Variants in APBB2 observed in about 807,000 individuals in gnomAD.
APBB2 encodes the protein Fe65-like 1.
Under a neutral mutation model 82.5 loss-of-function variants are expected in APBB2, and 38 were observed. The observed-to-expected ratio is 0.46, with a 90% CI of 0.36 to 0.60. The LOEUF (loss-of-function observed/expected upper bound fraction) is 0.60. Among genes scored for constraint, APBB2 ranks in the 20% least tolerant of loss-of-function variants. The pLI is 0.00. For missense variants in APBB2, 772 were observed against 972.3 expected, an observed-to-expected ratio of 0.79 and a Z score of 2.74; for synonymous variants, 341 against 368.2, an observed-to-expected ratio of 0.93 and a Z score of 0.85.
chr4:41,087,675 C>A (rs148508720), intron 3 of APBB2, among the ~76,000 whole-genome samples: 323 of 152,104 alleles, frequency 2.1e-3, no homozygotes, highest in African/African-American at 7.3e-3. Context: ...GTGATCTTCC[C>A]GCCTCAGCCT....
chr4:41,009,625 A>G (rs1342600360), intron 6 of APBB2, among the ~76,000 whole-genome samples: 1 of 152,216 alleles, frequency 6.6e-6, no homozygotes, highest in Non-Finnish European at 1.5e-5. Flanking sequence ...AGTGCAGTCT[A>G]CGATCCAAAG....
chr4:40,907,674 T>C (rs1049861940), intron 10 of APBB2, among the ~76,000 whole-genome samples: 1 of 79,118 alleles, frequency 1.3e-5, no homozygotes, highest in Admixed American at 1.6e-4. Context: ...CCTGACCCTT[T>C]TTTTTTTTTT....
At position 40,826,320 on chromosome 4, in the gene APBB2, G is replaced by T. The variant is rs944673849; in HGVS notation, c.1733-350C>A. Reference sequence around the variant, plus strand: ...GCCCAGAGAAAATGTAACCTCAAAGGGCACAATCAGAGACATAGGAAGATA... The same window carrying T: ...GCCCAGAGAAAATGTAACCTCAAAGTGCACAATCAGAGACATAGGAAGATA... On this transcript the variant is annotated intron_variant, in intron 14 of 17. Transcript: ENST00000508593. This position sits in a 1 kb window ranked among gnomAD's most constrained non-coding sequence, Gnocchi z 4.5. Among the ~76,000 whole-genome samples, 2 of 151,918 alleles carry T rather than the reference G, an allele frequency of 1.3e-5. No individual in the cohort carries two copies. Among genetic ancestry groups the T allele is most frequent in the Non-Finnish European group, 2.9e-5 (2 of 67,990 alleles).
At chr4:40,817,918 G>A (rs539301156) in intron 17 of APBB2, among the ~76,000 whole-genome samples, 2 of 152,228 alleles carry the variant, frequency 1.3e-5, no homozygotes, top group Admixed American at 6.5e-5. Context: ...TCGAAAGCAC[G>A]GATTTATACA....
At chr4:40,867,224 G>C (rs1436934131) in intron 12 of APBB2, among the ~76,000 whole-genome samples, 3 of 152,114 alleles carry the variant, frequency 2.0e-5, no homozygotes, top group Non-Finnish European at 4.4e-5. Flanking sequence ...TTTACTGTCT[G>C]GTCTTTTGCA....
chr4:40,978,192 C>T (rs571845867), intron 6 of APBB2, among the ~76,000 whole-genome samples: 116 of 152,346 alleles, frequency 7.6e-4, no homozygotes, highest in East Asian at 5.8e-4. Context: ...TGCCCCAAAT[C>T]AGGCAGCTAT....
chr4:41,016,369 C>T (rs552313798), intron 5 of APBB2, among the ~76,000 whole-genome samples: 1 of 152,290 alleles, frequency 6.6e-6, no homozygotes, highest in Non-Finnish European at 1.5e-5. Context: ...CAGATTAAGA[C>T]TTCTAGCCAC....
At chr4:41,201,753 A>C (rs1434647155) in intron 1 of APBB2, among the ~76,000 whole-genome samples, 2 of 152,362 alleles carry the variant, frequency 1.3e-5, no homozygotes, top group East Asian at 3.9e-4. Flanking sequence ...GGCTTTGAGA[A>C]TACACTCAGC....
rs1393689230 is a variant in APBB2, at chr4:40,810,197, T to G, written c.*5895A>C. On this transcript the variant is annotated 3_prime_UTR_variant, in exon 18 of 18. Coordinates refer to ENST00000508593, the MANE Select transcript of APBB2 (RefSeq NM_004307.2). ...TCTATTTTTACTTTCTTACTTGAAG[T>G]GAGAAAAGAGAATGGTGAATTGTAT... is the stretch of plus-strand genomic sequence containing the variant. The G allele has an allele frequency of 6.6e-6, 1 of 152,122 alleles. No homozygotes were observed. Among genetic ancestry groups the G allele is most frequent in the Non-Finnish European group, 1.5e-5 (1 of 68,020 alleles). 9.4% of individuals were successfully genotyped at this position (152,122 alleles called of 1,614,324 possible).
intron 3 of APBB2, among the ~76,000 whole-genome samples, chr4:41,070,668 G>A (rs909758452): frequency 2.0e-5 from 3 of 152,138 alleles, no homozygotes; most frequent in Non-Finnish European, 4.4e-5. Flanking sequence ...TAATAATAAA[G>A]CTTCCAAAGG....
chr4:40,955,500 G>A (rs1172798360), intron 6 of APBB2, among the ~76,000 whole-genome samples: 1 of 152,228 alleles, frequency 6.6e-6, no homozygotes, highest in Non-Finnish European at 1.5e-5. Flanking sequence ...CATTCTTGAA[G>A]GGATCTTTCT....
chr4:40,937,338 A>G (rs1280853216), intron 7 of APBB2, among the ~76,000 whole-genome samples: 1 of 152,242 alleles, frequency 6.6e-6, no homozygotes, highest in Non-Finnish European at 1.5e-5. Flanking sequence ...AGTACTCAGA[A>G]AAGTCTTCAG....
rs1233239845 is a variant in APBB2, at chr4:40,832,541, A to G, written c.1530-1964T>C. Among the ~76,000 whole-genome samples the G allele has an allele frequency of 6.6e-6, 1 of 152,022 alleles. No individual in the cohort carries two copies. Among genetic ancestry groups the G allele is most frequent in the Non-Finnish European group, 1.5e-5 (1 of 68,004 alleles). On this transcript the variant is annotated intron_variant, in intron 12 of 17. Transcript: ENST00000508593. The surrounding 1 kb of genome is among the most constrained non-coding windows in gnomAD (Gnocchi z 4.8). ...CTCACGTGCCACACCCAATCCCCAC[A>G]TTCGTCCTGTTTCACCTCCTGGAAA...
At chr4:41,037,464 T>G (rs1402367575) in intron 4 of APBB2, among the ~76,000 whole-genome samples, 3 of 152,126 alleles carry the variant, frequency 2.0e-5, no homozygotes, top group Non-Finnish European at 4.4e-5. Context: ...TTTCCAGGGT[T>G]AGATAATTAT....
At chr4:41,018,661 T>C (rs1420160520) in intron 5 of APBB2, among the ~76,000 whole-genome samples, 2 of 152,154 alleles carry the variant, frequency 1.3e-5, no homozygotes, top group African/African-American at 2.4e-5. Flanking sequence ...GCGATGACTA[T>C]GATGAAAAGA....
intron 12 of APBB2, among the ~76,000 whole-genome samples, chr4:40,867,980 T>C (rs1764457005): frequency 6.6e-6 from 1 of 151,948 alleles, no homozygotes; most frequent in Non-Finnish European, 1.5e-5. Flanking sequence ...GGGCTCTAAA[T>C]TTTCAGCCTC....
chr4:41,166,116 C>T (rs534300117), intron 1 of APBB2, among the ~76,000 whole-genome samples: 28 of 151,300 alleles, frequency 1.9e-4, no homozygotes, highest in South Asian at 8.4e-4. Context: ...CCTCGTGATC[C>T]GCCCGCCTCG....
chr4:40,839,739 A>T (rs1755198812), intron 12 of APBB2, among the ~76,000 whole-genome samples: 1 of 150,968 alleles, frequency 6.6e-6, no homozygotes, highest in Non-Finnish European at 1.5e-5. Flanking sequence ...ATCTCGGCTC[A>T]CTGCAACCTC....
intron 12 of APBB2, among the ~76,000 whole-genome samples, chr4:40,866,547 A>G (rs1210622859): frequency 6.6e-6 from 1 of 152,012 alleles, no homozygotes; most frequent in East Asian, 1.9e-4. Context: ...CCCTAAAGAG[A>G]TATCAGCTAC....
Sources: gnomAD v4.1 joint callset for allele counts (sites outside exome capture counted in the v4.1 genomes callset) on GRCh38, gnomAD v4.1.1 for gene constraint, Gnocchi (gnomAD v3.1) non-coding constraint, MANE v1.5 for transcripts, NCBI Gene and HGNC (gene_info 2026-07-23, HGNC 2026-07-21) for gene names.